Variants in DPH6 observed in about 807,000 individuals in gnomAD.
DPH6 encodes the protein diphthamine biosynthesis 6.
In DPH6, 33 loss-of-function variants were observed where a neutral mutation model predicts 38.2. The ratio of observed to expected loss-of-function variants is 0.86; its 90% confidence interval spans 0.65 to 1.15. The LOEUF (loss-of-function observed/expected upper bound fraction) is 1.15. Among genes scored for constraint, DPH6 ranks in the 50% most tolerant of loss-of-function variants. The pLI is 0.00. For synonymous variants in DPH6, 108 were observed against 103.0 expected (o/e 1.05, Z -0.30); for missense variants, 325 against 320.0 (o/e 1.02, Z -0.12).
At chr15:35,195,544 C>T in the DPH6 span, among the ~76,000 whole-genome samples, 5 of 152,170 alleles carry the variant, frequency 3.3e-5, no homozygotes, top group South Asian at 2.1e-4. Flanking sequence ...GTTAAAATGC[C>T]GATTTACCTT....
At chr15:35,497,320 T>C (rs1486640342) in intron 3 of DPH6, among the ~76,000 whole-genome samples, 1 of 152,136 alleles carries the variant, frequency 6.6e-6, no homozygotes, top group Non-Finnish European at 1.5e-5. Context: ...GTGAACTTAT[T>C]TTTAAAGTGA....
chr15:35,386,654 T>C (rs1202360447), intron 6 of DPH6, among the ~76,000 whole-genome samples: 1 of 152,248 alleles, frequency 6.6e-6, no homozygotes, highest in Admixed American at 6.5e-5. Flanking sequence ...TTTTGAGAAG[T>C]GTCTGTTTAT....
chr15:35,214,967 C>T (rs777397891), downstream of DPH6, among the ~76,000 whole-genome samples: 1 of 152,312 alleles, frequency 6.6e-6, no homozygotes, highest in East Asian at 1.9e-4. Flanking sequence ...CTATGCTCAA[C>T]CCAGTACCTG....
At chr15:35,289,073 A>G (rs1036034972) in intron 3 of DPH6, among the ~76,000 whole-genome samples, 1 of 152,222 alleles carries the variant, frequency 6.6e-6, no homozygotes, top group African/African-American at 2.4e-5. Context: ...CTTATTTTAA[A>G]TGAAGATTAA....
chr15:35,436,510 A>AAACAAAC lies in DPH6; in HGVS notation c.505+14174_505+14175insGTTTGTT, dbSNP rs764277918. 1.5e-4 allele frequency among the ~76,000 whole-genome samples: 7 copies of AAACAAAC among 47,418 alleles called. 1 individual carries two copies. Among genetic ancestry groups the AAACAAAC allele is most frequent in the South Asian group, 1.1e-3 (1 of 876 alleles). The allele number at this position is 47,418 out of a possible 152,430, so 31.1% of individuals were successfully genotyped here. The stretch of plus-strand genomic sequence containing the variant: ...AAAACAAAACAAAACAAAACAAAAC[A>AAACAAAC]AAACAAAAAAGGTTCTCTCCCTGTT... On this transcript the variant is annotated intron_variant, in intron 5 of 8. Transcript: ENST00000256538.
At chr15:35,265,172 A>C (rs932496823) in intron 3 of DPH6, among the ~76,000 whole-genome samples, 1 of 152,200 alleles carries the variant, frequency 6.6e-6, no homozygotes, top group Non-Finnish European at 1.5e-5. Context: ...ATAGTAAAAT[A>C]ACTTCAAATC....
the DPH6 span, among the ~76,000 whole-genome samples, chr15:35,207,896 T>C: frequency 6.6e-6 from 1 of 152,222 alleles, no homozygotes; most frequent in African/African-American, 2.4e-5. Context: ...CTTTTTGATG[T>C]GGGAATTTGC....
intron 3 of DPH6, among the ~76,000 whole-genome samples, chr15:35,474,733 A>G (rs2054243915): frequency 6.6e-6 from 1 of 152,152 alleles, no homozygotes; most frequent in African/African-American, 2.4e-5. Flanking sequence ...TTACTTAGTA[A>G]GTATCAGCCC....
chr15:35,243,510 C>A (rs926905371), intron 3 of DPH6, among the ~76,000 whole-genome samples: 1 of 144,746 alleles, frequency 6.9e-6, no homozygotes, highest in African/African-American at 2.5e-5. Context: ...GTGAAAAGGT[C>A]CTGCCCCGCC....
At chr15:35,470,564 A>G (rs558400258) in intron 3 of DPH6, among the ~76,000 whole-genome samples, 27 of 152,196 alleles carry the variant, frequency 1.8e-4, no homozygotes, top group Non-Finnish European at 3.4e-4. Flanking sequence ...ACGTGGGATC[A>G]AGGAGAAAGG....
At chr15:35,409,016 G>A (rs1055506489) in intron 6 of DPH6, among the ~76,000 whole-genome samples, 6 of 152,020 alleles carry the variant, frequency 3.9e-5, no homozygotes, top group South Asian at 4.1e-4. Context: ...CAAAGAGAGC[G>A]AGAATAAAGA....
At chr15:35,278,329 T>C (rs2051872900) in intron 3 of DPH6, among the ~76,000 whole-genome samples, 1 of 152,232 alleles carries the variant, frequency 6.6e-6, no homozygotes, top group South Asian at 2.1e-4. Flanking sequence ...CCTTGGCAGC[T>C]TTCATGTGGC....
chr15:35,282,244 T>C (rs933240454), intron 3 of DPH6, among the ~76,000 whole-genome samples: 1 of 152,174 alleles, frequency 6.6e-6, no homozygotes, highest in African/African-American at 2.4e-5. Context: ...CAATCATAGC[T>C]CACTACAGCC....
At chr15:35,194,586 A>C in the DPH6 span, among the ~76,000 whole-genome samples, 1 of 152,346 alleles carries the variant, frequency 6.6e-6, no homozygotes, top group South Asian at 2.1e-4. Context: ...TTTTTGTTTT[A>C]ACACAATGCA....
At chr15:35,436,710 G>T (rs1595562121) in intron 5 of DPH6, among the ~76,000 whole-genome samples, 1 of 148,106 alleles carries the variant, frequency 6.8e-6, no homozygotes, top group Admixed American at 6.7e-5. Context: ...AGTTTTTTTT[G>T]TTTTTCTCCA....
intron 5 of DPH6, among the ~76,000 whole-genome samples, chr15:35,419,056 A>AAC (rs1322020569): frequency 9.0e-6 from 1 of 111,246 alleles, no homozygotes; most frequent in East Asian, 2.6e-4. Flanking sequence ...TTCAAACTAA[A>AAC]ACACACACAC....
chr15:35,528,998 T>A (rs928317519), intron 3 of DPH6, among the ~76,000 whole-genome samples: 6 of 152,240 alleles, frequency 3.9e-5, no homozygotes, highest in African/African-American at 9.6e-5. Context: ...TAAATCAAAT[T>A]GAACCACTCT....
At chr15:35,189,287 T>C in the DPH6 span, among the ~76,000 whole-genome samples, 2 of 152,202 alleles carry the variant, frequency 1.3e-5, no homozygotes, top group Admixed American at 1.3e-4. Context: ...AAGATAAAAT[T>C]ATCCAATTTA....
At chr15:35,179,906 T>C in the DPH6 span, among the ~76,000 whole-genome samples, 3 of 152,226 alleles carry the variant, frequency 2.0e-5, no homozygotes, top group African/African-American at 4.8e-5. Flanking sequence ...GTATGTATTG[T>C]ATTTCTTCTC....
Sources: gnomAD v4.1 joint callset for allele counts (sites outside exome capture counted in the v4.1 genomes callset) on GRCh38, gnomAD v4.1.1 for gene constraint, MANE v1.5 for transcripts, NCBI Gene and HGNC (gene_info 2026-07-23, HGNC 2026-07-21) for gene names.